SLC38A1: variants seen among roughly 807,000 people sequenced by gnomAD.
SLC38A1 encodes the protein sodium-coupled neutral amino acid symporter 1.
Under a neutral mutation model 60.3 loss-of-function variants are expected in SLC38A1, and 18 were observed. The observed-to-expected ratio is 0.30, with a 90% CI of 0.21 to 0.44. The LOEUF is 0.44. SLC38A1 is among the 20% of genes least tolerant of loss of function. SLC38A1 has a pLI of 1.00. For synonymous variants in SLC38A1, 196 were observed against 212.1 expected, an observed-to-expected ratio of 0.92 and a Z score of 0.66; for missense variants, 448 against 587.2, an observed-to-expected ratio of 0.76 and a Z score of 2.45.
At chr12:46,265,399 T>G (rs1211529874) in intron 1 of SLC38A1, among the ~76,000 whole-genome samples, 1 of 152,218 alleles carries the variant, frequency 6.6e-6, no homozygotes, top group Non-Finnish European at 1.5e-5. Flanking sequence ...CAGTGAACAC[T>G]TCTCCCAAGA....
intron 1 of SLC38A1, among the ~76,000 whole-genome samples, chr12:46,244,377 T>G (rs1941545764): frequency 6.6e-6 from 1 of 152,224 alleles, no homozygotes; most frequent in Non-Finnish European, 1.5e-5. Flanking sequence ...CACTCAATAT[T>G]TGTTCCCACC....
chr12:46,239,635 C>A (rs1941376072), intron 3 of SLC38A1, 44 bp downstream of exon 3: 2 of 1,607,824 alleles, frequency 1.2e-6, no homozygotes, highest in Non-Finnish European at 1.7e-6. Context: ...GAGCCACGAG[C>A]CATTTCTTTC....
intron 6 of SLC38A1, among the ~76,000 whole-genome samples, chr12:46,207,973 A>C (rs1939984292): frequency 6.6e-6 from 1 of 152,202 alleles, no homozygotes; most frequent in Non-Finnish European, 1.5e-5. Flanking sequence ...ATTAAAATAC[A>C]TATTTGATTT....
chr12:46,203,290 C>T (rs1454528247), intron 11 of SLC38A1, among the ~76,000 whole-genome samples: 1 of 152,166 alleles, frequency 6.6e-6, no homozygotes, highest in African/African-American at 2.4e-5. Flanking sequence ...AGCCACTTGT[C>T]ACAGAGGGAC....
At chr12:46,241,393 C>T (rs1565786271) in intron 2 of SLC38A1, among the ~76,000 whole-genome samples, 1 of 152,196 alleles carries the variant, frequency 6.6e-6, no homozygotes, top group African/African-American at 2.4e-5. Context: ...CCAGGCCACA[C>T]ATTATTCTTT....
In SLC38A1 at chr12:46,189,060, G is replaced by C; in HGVS notation, c.1374C>G (p.Phe458Leu). 6.2e-7 allele frequency: 1 copy of C among 1,613,694 alleles called. No individual in the cohort carries two copies. The highest frequency in any genetic ancestry group is 8.5e-7 in the Non-Finnish European group (1 of 1,179,780). ...AGGAGAACAACACCCCCAGGCCCAAGAAAAGGGCAGCCTGGAGCAAGAGAA... is the reference window on the plus strand; with the variant it reads ...AGGAGAACAACACCCCCAGGCCCAACAAAAGGGCAGCCTGGAGCAAGAGAA... The part of the protein sequence containing the change: ...KGTQRIWAAL[F>L]LGLGVLFSLV... Residue 458 changes from phenylalanine to leucine, a missense_variant, in exon 17 of 17, where the codon TTC (phenylalanine) becomes TTG (leucine). Transcript: ENST00000398637.
chr12:46,186,328 C>G lies in SLC38A1; in HGVS notation c.*2642G>C, dbSNP rs1240278796. The G allele has an allele frequency of 2.0e-5, 3 of 152,208 alleles. No individual in the cohort carries two copies. Among genetic ancestry groups the G allele is most frequent in the Non-Finnish European group, 4.4e-5 (3 of 68,030 alleles). 9.4% of individuals were successfully genotyped at this position (152,208 alleles called of 1,614,324 possible). A position where few individuals can be genotyped will look rare whatever the true frequency, so the allele number is the denominator to read the frequency against. On this transcript the variant is annotated 3_prime_UTR_variant, in exon 17 of 17. Coordinates refer to ENST00000398637, the MANE Select transcript of SLC38A1 (RefSeq NM_030674.4). Reference sequence around the variant, plus strand: ...ACAGTTCTAAGTCCAAAGTGTGGAACTGGCACTGTTCACTAGTATAGAGAT... The same window carrying G: ...ACAGTTCTAAGTCCAAAGTGTGGAAGTGGCACTGTTCACTAGTATAGAGAT...
intron 5 of SLC38A1, among the ~76,000 whole-genome samples, chr12:46,219,227 C>T (rs1398833691): frequency 6.6e-6 from 1 of 152,210 alleles, no homozygotes; most frequent in Non-Finnish European, 1.5e-5. Context: ...TGAACAAGGA[C>T]AGCTTAAGGG....
At chr12:46,239,465 C>T (rs1417072554) in intron 3 of SLC38A1, 1 of 373,756 alleles carries the variant, frequency 2.7e-6, no homozygotes, top group Admixed American at 3.9e-5. Context: ...GCTGGGACTA[C>T]AGGCATGCAC....
chr12:46,195,715 G>A (rs184069338), intron 16 of SLC38A1: 125 of 189,948 alleles, frequency 6.6e-4, no homozygotes, highest in African/African-American at 2.7e-3. Flanking sequence ...AGACTGTTGC[G>A]CTAGCAGTGA....
intron 1 of SLC38A1, among the ~76,000 whole-genome samples, chr12:46,260,876 C>T (rs1327057047): frequency 2.6e-5 from 4 of 152,162 alleles, no homozygotes; most frequent in Non-Finnish European, 5.9e-5. Context: ...CTTGCCCTCT[C>T]CCACCTATAG....
Position 46,197,905 on chromosome 12 carries a change from T to C in SLC38A1, c.1264+14A>G, listed in dbSNP as rs370697142. The C allele has an allele frequency of 1.2e-6, 2 of 1,613,388 alleles. No individual in the cohort carries two copies. Among genetic ancestry groups the C allele is most frequent in the Non-Finnish European group, 1.7e-6 (2 of 1,179,826 alleles). The stretch of plus-strand genomic sequence containing the variant: ...CTACTGTAGAATGACAAGCACAAAG[T>C]CATGAAGCCATACCTACGACTCCAA... On this transcript the variant is annotated intron_variant, in intron 15 of 16. Transcript: ENST00000398637.
At chr12:46,240,650 G>A (rs1010068451) in intron 2 of SLC38A1, among the ~76,000 whole-genome samples, 7 of 152,152 alleles carry the variant, frequency 4.6e-5, no homozygotes, top group Non-Finnish European at 8.8e-5. Flanking sequence ...GATCAAGCAC[G>A]CAACCCTGGT....
chr12:46,190,511 ACT>A (rs1001827740), intron 16 of SLC38A1, among the ~76,000 whole-genome samples: 7 of 152,186 alleles, frequency 4.6e-5, no homozygotes, highest in African/African-American at 1.7e-4. Context: ...GAATCGCCAC[ACT>A]GTCTTCCACA....
chr12:46,185,635 G>C lies in SLC38A1; in HGVS notation c.*3335C>G, dbSNP rs1369208889. The stretch of plus-strand genomic sequence containing the variant: ...GCAGCATCCTTTTCTGTGGTGGGCA[G>C]GGCAGGAGATGAACCATAGGAGCCA... On this transcript the variant is annotated 3_prime_UTR_variant, in exon 17 of 17. Transcript: ENST00000398637. 6.6e-6 allele frequency: 1 copy of C among 152,094 alleles called. No individual in the cohort carries two copies. The allele number at this position is 152,094 out of a possible 1,614,324, so 9.4% of individuals were successfully genotyped here.
chr12:46,248,264 C>T (rs1018055647), intron 1 of SLC38A1, among the ~76,000 whole-genome samples: 4 of 152,060 alleles, frequency 2.6e-5, no homozygotes, highest in South Asian at 2.1e-4. Flanking sequence ...ACTCAAGACC[C>T]GTAATTGTGC....
At chr12:46,191,373 C>T (rs1939138169) in intron 16 of SLC38A1, among the ~76,000 whole-genome samples, 1 of 152,154 alleles carries the variant, frequency 6.6e-6, no homozygotes, top group Non-Finnish European at 1.5e-5. Context: ...AGCATGATGC[C>T]TCCAGCTTGT....
intron 1 of SLC38A1, among the ~76,000 whole-genome samples, chr12:46,259,579 A>G (rs1272926801): frequency 6.6e-6 from 1 of 152,218 alleles, no homozygotes; most frequent in Non-Finnish European, 1.5e-5. Flanking sequence ...TAAAAAATTA[A>G]AGCCGATCAT....
At chr12:46,242,454 G>T (rs959529466) in intron 2 of SLC38A1, among the ~76,000 whole-genome samples, 1 of 152,074 alleles carries the variant, frequency 6.6e-6, no homozygotes, top group Admixed American at 6.6e-5. Flanking sequence ...ATTGGACCTT[G>T]AAATTTTTTT....
Sources: gnomAD v4.1 joint callset for allele counts (sites outside exome capture counted in the v4.1 genomes callset) on GRCh38, gnomAD v4.1.1 for gene constraint, MANE v1.5 for transcripts, NCBI Gene and HGNC (gene_info 2026-07-23, HGNC 2026-07-21) for gene names.